CPNE4: variants seen among roughly 807,000 people sequenced by gnomAD.
The protein encoded by CPNE4 is copine 4.
A neutral mutation model predicts 67.9 loss-of-function variants in CPNE4; 25 were observed. That is an observed-to-expected ratio of 0.37 (90% CI 0.27 to 0.51). The LOEUF is 0.51. Among genes scored for constraint, CPNE4 ranks in the 20% least tolerant of loss-of-function variants. The pLI is 0.93. For synonymous variants in CPNE4, 242 were observed against 244.9 expected, an observed-to-expected ratio of 0.99 and a Z score of 0.11; for missense variants, 464 against 690.8, an observed-to-expected ratio of 0.67 and a Z score of 3.68.
chr3:131,929,924 G>C (rs951120107), intron 1 of CPNE4, among the ~76,000 whole-genome samples: 1 of 152,108 alleles, frequency 6.6e-6, no homozygotes, highest in African/African-American at 2.4e-5. Context: ...TGTATCAATG[G>C]GCAATCACTT....
At chr3:131,942,461 TGTGAGAGAGAGAGAGAGAGAGAGAGAGA>T (rs1308095201) in intron 1 of CPNE4, among the ~76,000 whole-genome samples, 25 of 57,654 alleles carry the variant, frequency 4.3e-4, no homozygotes, top group African/African-American at 1.6e-3. Flanking sequence ...TGTGTGTGTG[TGTGAGAGAGAGAGAGAGAGAGAGAGAGA>T]GAGAGAGAGA....
chr3:131,987,109 TGTGATTTGTGG>T (rs1403670810), intron 1 of CPNE4, among the ~76,000 whole-genome samples: 2 of 152,184 alleles, frequency 1.3e-5, no homozygotes, highest in Non-Finnish European at 2.9e-5. Flanking sequence ...TATTCAAATG[TGTGATTTGTGG>T]GTGATTTGTG....
chr3:131,682,185 G>A (rs1037306705), intron 6 of CPNE4, among the ~76,000 whole-genome samples: 11 of 152,046 alleles, frequency 7.2e-5, no homozygotes, highest in African/African-American at 2.7e-4. Flanking sequence ...TGGTCCTGAT[G>A]CTTGTAGATA....
At chr3:131,896,338 C>A (rs1324126651) in intron 2 of CPNE4, among the ~76,000 whole-genome samples, 1 of 152,006 alleles carries the variant, frequency 6.6e-6, no homozygotes, top group African/African-American at 2.4e-5. Flanking sequence ...CGATTACTAT[C>A]ATAGCATCAC....
At chr3:131,747,479 T>C (rs1304761824) in intron 2 of CPNE4, among the ~76,000 whole-genome samples, 1 of 152,014 alleles carries the variant, frequency 6.6e-6, no homozygotes, top group Non-Finnish European at 1.5e-5. Context: ...TTGTTTGTTT[T>C]TTGTTTTTTA....
chr3:131,853,430 T>C (rs1274096255), intron 2 of CPNE4, among the ~76,000 whole-genome samples: 1 of 151,804 alleles, frequency 6.6e-6, no homozygotes, highest in Non-Finnish European at 1.5e-5. Context: ...TTGAGATGGA[T>C]TATAGGCTGA....
At chr3:131,549,262 A>G (rs1204382571) in intron 14 of CPNE4, among the ~76,000 whole-genome samples, 2 of 152,138 alleles carry the variant, frequency 1.3e-5, no homozygotes, top group African/African-American at 4.8e-5. Flanking sequence ...TTTTTTAAAT[A>G]AAAACTCAGT....
At chr3:131,760,201 G>T (rs1034520649) in intron 2 of CPNE4, among the ~76,000 whole-genome samples, 2 of 152,166 alleles carry the variant, frequency 1.3e-5, no homozygotes, top group Non-Finnish European at 2.9e-5. Flanking sequence ...GTGCTGTAAG[G>T]ACTGCCTAAG....
intron 10 of CPNE4, among the ~76,000 whole-genome samples, chr3:131,570,721 A>T (rs1480667302): frequency 1.3e-5 from 2 of 151,926 alleles, no homozygotes; most frequent in African/African-American, 4.8e-5. Flanking sequence ...AGTGCCCTTG[A>T]CCTCCCAAAA....
intron 2 of CPNE4, among the ~76,000 whole-genome samples, chr3:131,808,179 G>A (rs1056047088): frequency 2.0e-5 from 3 of 152,098 alleles, no homozygotes; most frequent in Non-Finnish European, 4.4e-5. Flanking sequence ...TAAACGGAAT[G>A]TCCATCATTC....
At chr3:131,592,709 A>G (rs536329475) in intron 7 of CPNE4, among the ~76,000 whole-genome samples, 52 of 152,130 alleles carry the variant, frequency 3.4e-4, no homozygotes, top group African/African-American at 1.2e-3. Flanking sequence ...GGAACTTAGA[A>G]TCAAGGTCTC....
intron 2 of CPNE4, among the ~76,000 whole-genome samples, chr3:131,878,119 G>A (rs924157688): frequency 3.3e-5 from 5 of 152,122 alleles, no homozygotes; most frequent in Non-Finnish European, 7.4e-5. Context: ...ACATTCCTAG[G>A]TATTTATCCA....
At chr3:131,744,186 T>TA (rs1049732895) in intron 2 of CPNE4, among the ~76,000 whole-genome samples, 7 of 151,842 alleles carry the variant, frequency 4.6e-5, no homozygotes, top group African/African-American at 1.7e-4. Context: ...GACACTCAAA[T>TA]AAAGTCTATC....
intron 2 of CPNE4, among the ~76,000 whole-genome samples, chr3:131,896,780 C>T (rs958001207): frequency 6.6e-6 from 1 of 152,156 alleles, no homozygotes; most frequent in South Asian, 2.1e-4. Context: ...GGATGCCTTA[C>T]CTTATTTCAC....
intron 2 of CPNE4, among the ~76,000 whole-genome samples, chr3:131,807,766 A>AT (rs1237625843): frequency 6.6e-6 from 1 of 152,152 alleles, no homozygotes; most frequent in South Asian, 2.1e-4. Context: ...TTTAAAATAT[A>AT]TTTTTTAAAA....
chr3:131,763,385 CT>C (rs1385880925), intron 2 of CPNE4, among the ~76,000 whole-genome samples: 2 of 152,122 alleles, frequency 1.3e-5, no homozygotes, highest in African/African-American at 4.8e-5. Context: ...TTAGGTTATT[CT>C]TCCTCCAAAT....
At chr3:131,626,484 C>T (rs1284980089) in intron 7 of CPNE4, among the ~76,000 whole-genome samples, 1 of 152,106 alleles carries the variant, frequency 6.6e-6, no homozygotes, top group Non-Finnish European at 1.5e-5. Context: ...AAGCTAAAGC[C>T]CAATCCAGAG....
chr3:131,575,879 C>CCAT (rs1937536653), intron 9 of CPNE4, among the ~76,000 whole-genome samples: 1 of 151,178 alleles, frequency 6.6e-6, no homozygotes, highest in South Asian at 2.1e-4. Context: ...ATGCCAACTG[C>CCAT]CATCATGTGT....
chr3:131,827,244 C>G (rs536572771), intron 2 of CPNE4, among the ~76,000 whole-genome samples: 3 of 152,288 alleles, frequency 2.0e-5, no homozygotes, highest in East Asian at 1.9e-4. Context: ...TCAGACTTTG[C>G]ATTGTAAAAA....
Sources: allele counts gnomAD v4.1 joint callset (sites outside exome capture counted in the v4.1 genomes callset), GRCh38; gene constraint gnomAD v4.1.1; transcripts MANE v1.5; gene names NCBI Gene and HGNC (gene_info 2026-07-23, HGNC 2026-07-21).